AGFG1: variants seen among roughly 807,000 people sequenced by gnomAD.
AGFG1 encodes the protein arf-GAP domain and FG repeat-containing protein 1.
A neutral mutation model predicts 60.6 loss-of-function variants in AGFG1; 10 were observed. The ratio of observed to expected loss-of-function variants is 0.16; its 90% CI spans 0.10 to 0.28. The LOEUF (loss-of-function observed/expected upper bound fraction) is 0.28. Among genes scored for constraint, AGFG1 ranks in the 10% least tolerant of loss-of-function variants. The pLI is 1.00. For synonymous variants in AGFG1, 247 were observed against 242.9 expected (o/e 1.02, Z -0.16); for missense variants, 537 against 676.5 (o/e 0.79, Z 2.29).
chr2:227,553,679 T>C (rs747158137), intron 11 of AGFG1, 25 bp from the exon 12 acceptor site: 1 of 1,581,108 alleles, frequency 6.3e-7, no homozygotes. Flanking sequence ...GTATGGGTTA[T>C]AATTGGTGGT....
chr2:227,477,718 G>A (rs1049943101), intron 1 of AGFG1, among the ~76,000 whole-genome samples: 3 of 152,048 alleles, frequency 2.0e-5, no homozygotes, highest in Admixed American at 1.3e-4. Context: ...CGACTCTCCT[G>A]CCTCAGCCTC....
intron 3 of AGFG1, among the ~76,000 whole-genome samples, chr2:227,523,372 A>G (rs939215336): frequency 6.6e-6 from 1 of 152,160 alleles, no homozygotes; most frequent in African/African-American, 2.4e-5. Context: ...TTCCTACCTC[A>G]TCTTTCTTCA....
At chr2:227,512,160 T>C (rs1691514528) in intron 2 of AGFG1, among the ~76,000 whole-genome samples, 1 of 152,226 alleles carries the variant, frequency 6.6e-6, no homozygotes, top group Non-Finnish European at 1.5e-5. Context: ...AAAGGCACTA[T>C]GCCTCAGAGA....
At chr2:227,477,843 C>T (rs566955318) in intron 1 of AGFG1, among the ~76,000 whole-genome samples, 3 of 152,234 alleles carry the variant, frequency 2.0e-5, no homozygotes, top group South Asian at 4.1e-4. Context: ...CTTCTGACCT[C>T]AGGTGATCCA....
chr2:227,529,741 T>G (rs1692106036), intron 5 of AGFG1, among the ~76,000 whole-genome samples: 1 of 152,264 alleles, frequency 6.6e-6, no homozygotes, highest in Non-Finnish European at 1.5e-5. Flanking sequence ...CTGTAGGATC[T>G]AAACCCAACT....
At chr2:227,494,494 A>G (rs904658560) in intron 2 of AGFG1, among the ~76,000 whole-genome samples, 9 of 152,238 alleles carry the variant, frequency 5.9e-5, no homozygotes, top group Non-Finnish European at 1.2e-4. Context: ...TTAAAAGATC[A>G]GAAAGTATAT....
intron 11 of AGFG1, among the ~76,000 whole-genome samples, chr2:227,553,282 G>A (rs915808862): frequency 2.0e-5 from 3 of 152,080 alleles, no homozygotes; most frequent in Admixed American, 6.5e-5. Context: ...TGGATCAGTC[G>A]AGTCCAGGAG....
intron 10 of AGFG1, among the ~76,000 whole-genome samples, chr2:227,539,037 T>C (rs775572740): frequency 6.6e-6 from 1 of 152,230 alleles, no homozygotes; most frequent in Non-Finnish European, 1.5e-5. Context: ...CATATGTTTC[T>C]ATTGAAGCTG....
At chr2:227,478,498 C>T (rs1240305339) in intron 1 of AGFG1, among the ~76,000 whole-genome samples, 1 of 151,922 alleles carries the variant, frequency 6.6e-6, no homozygotes, top group African/African-American at 2.4e-5. Context: ...CGCGTGCCAC[C>T]ATGCCCAGCT....
At chr2:227,523,165 A>C (rs78576883) in intron 3 of AGFG1, among the ~76,000 whole-genome samples, 4,150 of 152,338 alleles carry the variant, frequency 0.027, 82 homozygotes, top group Non-Finnish European at 0.04. Flanking sequence ...GCAATAAAAA[A>C]TTGTAAAGTT....
chr2:227,532,297 A>G (rs1274626743), intron 6 of AGFG1: 3 of 975,312 alleles, frequency 3.1e-6, no homozygotes, highest in East Asian at 5.9e-5. Context: ...GATTGTTAAT[A>G]ATTCTTTAGT....
At chr2:227,494,855 A>G (rs1283858937) in intron 2 of AGFG1, among the ~76,000 whole-genome samples, 1 of 152,242 alleles carries the variant, frequency 6.6e-6, no homozygotes. Context: ...GGCAAAGGGC[A>G]TGGATACAAT....
At chr2:227,521,790 A>G (rs1691833520) in intron 3 of AGFG1, among the ~76,000 whole-genome samples, 1 of 152,200 alleles carries the variant, frequency 6.6e-6, no homozygotes, top group African/African-American at 2.4e-5. Flanking sequence ...CCCCACATTT[A>G]TAACAGTAAT....
chr2:227,545,758 C>T (rs1195329470), intron 10 of AGFG1, among the ~76,000 whole-genome samples: 11 of 152,228 alleles, frequency 7.2e-5, no homozygotes, highest in Non-Finnish European at 1.6e-4. Flanking sequence ...TGGTGGTCCA[C>T]TCCAGACCCT....
intron 2 of AGFG1, among the ~76,000 whole-genome samples, chr2:227,508,987 C>T (rs180922038): frequency 6.6e-6 from 1 of 152,200 alleles, no homozygotes; most frequent in East Asian, 1.9e-4. Flanking sequence ...TGACATGATA[C>T]ACCAAAATTT....
chr2:227,541,022 C>T lies in AGFG1; in HGVS notation c.1378+4029C>T, dbSNP rs563136770. Among the ~76,000 whole-genome samples the T allele has an allele frequency of 6.9e-4, 105 of 152,258 alleles. 1 individual carries two copies. Among genetic ancestry groups the T allele is most frequent in the African/African-American group, 2.1e-3 (88 of 41,558 alleles). On this transcript the variant is annotated intron_variant, in intron 10 of 12. Coordinates refer to ENST00000310078, the MANE Select transcript of AGFG1 (RefSeq NM_004504.5). ...TTGAGAAGTGTCTGTTCATATCCTT[C>T]GCCCACTTTTTGATAGGGTTGTTTG...
chr2:227,530,180 T>C (rs1692117156), intron 5 of AGFG1, among the ~76,000 whole-genome samples: 1 of 152,206 alleles, frequency 6.6e-6, no homozygotes, highest in Non-Finnish European at 1.5e-5. Flanking sequence ...GAAATACGAT[T>C]ATTCAAGAAA....
At chr2:227,539,227 G>A (rs945172654) in intron 10 of AGFG1, among the ~76,000 whole-genome samples, 1 of 152,194 alleles carries the variant, frequency 6.6e-6, no homozygotes, top group Non-Finnish European at 1.5e-5. Flanking sequence ...TGGATCACCT[G>A]AGGCCAAGAG....
intron 5 of AGFG1, among the ~76,000 whole-genome samples, chr2:227,528,835 A>G (rs1692071677): frequency 6.6e-6 from 1 of 152,218 alleles, no homozygotes; most frequent in Non-Finnish European, 1.5e-5. Flanking sequence ...ATGCACTTTG[A>G]AAACAATAGC....
Sources: allele counts gnomAD v4.1 joint callset (sites outside exome capture counted in the v4.1 genomes callset), GRCh38; gene constraint gnomAD v4.1.1; transcripts MANE v1.5; gene names NCBI Gene and HGNC (gene_info 2026-07-23, HGNC 2026-07-21).